The following MAP3K19 variants were observed in gnomAD, a reference collection of about 807,000 sequenced individuals.
MAP3K19 encodes the protein SPS1/STE20-related protein kinase YSK4.
A neutral mutation model predicts 114.4 loss-of-function variants in MAP3K19; 91 were observed. That is an observed-to-expected ratio of 0.80 (90% CI 0.67 to 0.95). The LOEUF (loss-of-function observed/expected upper bound fraction) is 0.95, where lower values mean the gene tolerates loss of function less well. Ranked by LOEUF, MAP3K19 falls within the 40% of genes least tolerant of loss-of-function variation. The pLI, the probability that MAP3K19 is intolerant of heterozygous loss-of-function variation, is 0.00. For synonymous variants in MAP3K19, 518 were observed against 530.5 expected (o/e 0.98, Z 0.32); for missense variants, 1,471 against 1,573.2 (o/e 0.94, Z 1.10).
chr2:135,024,731 GT>G lies in MAP3K19; in HGVS notation c.-85del. On this transcript the variant is annotated 5_prime_UTR_variant, in exon 4 of 13. Transcript: ENST00000392915. ...GCTGATTTTCCACTAAAATCACAAA[GT>G]TTAGGATCTCTAGGAAGAACAGAAT... 8.4e-7 allele frequency: 1 copy of G among 1,194,488 alleles called. No homozygotes were observed. Among genetic ancestry groups the G allele is most frequent in the Non-Finnish European group, 1.2e-6 (1 of 808,468 alleles). The allele number at this position is 1,194,488 out of a possible 1,614,324, so 74.0% of individuals were successfully genotyped here. A position where few individuals can be genotyped will look rare whatever the true frequency, so the allele number is the denominator to read the frequency against.
At chr2:135,021,665 G>C (rs1452645367) in intron 5 of MAP3K19, 50 bp downstream of exon 5, 1 of 975,614 alleles carries the variant, frequency 1.0e-6, no homozygotes, top group Non-Finnish European at 1.6e-6. Flanking sequence ...CACAAATAAA[G>C]TAGTAGATGG....
At chr2:135,007,118 T>C (rs1686879069) in intron 5 of MAP3K19, among the ~76,000 whole-genome samples, 1 of 151,712 alleles carries the variant, frequency 6.6e-6, no homozygotes, top group African/African-American at 2.4e-5. Context: ...TGAGCCATGA[T>C]TGCACCACTG....
intron 12 of MAP3K19, among the ~76,000 whole-genome samples, chr2:134,978,279 G>A (rs114165843): frequency 2.6e-5 from 4 of 151,464 alleles, no homozygotes; most frequent in South Asian, 2.1e-4. Flanking sequence ...ATCAACTTCC[G>A]GGGTCAAGCG....
intron 12 of MAP3K19, among the ~76,000 whole-genome samples, chr2:134,971,205 G>A (rs2105150502): frequency 6.6e-6 from 1 of 152,290 alleles, no homozygotes; most frequent in South Asian, 2.1e-4. Flanking sequence ...TTCTGTTAAT[G>A]TGATGTATCA....
intron 5 of MAP3K19, among the ~76,000 whole-genome samples, chr2:135,009,256 C>T (rs1029640947): frequency 9.2e-5 from 14 of 151,940 alleles, no homozygotes; most frequent in Non-Finnish European, 1.9e-4. Flanking sequence ...CCTGCCACCA[C>T]GTCTGGCCGA....
chr2:135,043,963 G>C (rs1688692881), intron 1 of MAP3K19, among the ~76,000 whole-genome samples: 1 of 152,158 alleles, frequency 6.6e-6, no homozygotes, highest in Admixed American at 6.5e-5. Flanking sequence ...ATTTAAACTT[G>C]CTAGAATAGA....
chr2:134,996,787 C>T (rs140846966), intron 8 of MAP3K19, among the ~76,000 whole-genome samples: 6 of 152,292 alleles, frequency 3.9e-5, no homozygotes, highest in African/African-American at 1.4e-4. Flanking sequence ...GTAATTCCAG[C>T]ACTTTGGGAG....
At chr2:134,979,641 GTTTTTTT>G (rs774229914) in intron 12 of MAP3K19, among the ~76,000 whole-genome samples, 1 of 117,756 alleles carries the variant, frequency 8.5e-6, no homozygotes, top group African/African-American at 3.3e-5. Flanking sequence ...CATTTATGCG[GTTTTTTT>G]TTTTTTTTTT....
Position 134,999,052 on chromosome 2 carries a change from C to A in MAP3K19, c.315-55G>T. 1 of 1,565,732 alleles carries A rather than the reference C, an allele frequency of 6.4e-7. No homozygotes were observed. Among genetic ancestry groups the A allele is most frequent in the South Asian group, 1.2e-5 (1 of 83,656 alleles). ...AACTCAGTTGCCACATCTTCTGGAT[C>A]TCCAGTCCTCAGTTCAGCCTGACAT... is the stretch of plus-strand genomic sequence containing the variant. On this transcript the variant is annotated intron_variant, in intron 7 of 12. Coordinates refer to ENST00000392915, the MANE Select transcript of MAP3K19 (RefSeq NM_025052.5). This position sits in a 1 kb window ranked among gnomAD's most constrained non-coding sequence, Gnocchi z 4.1.
intron 1 of MAP3K19, among the ~76,000 whole-genome samples, chr2:135,041,207 G>C (rs1290732597): frequency 1.3e-5 from 2 of 152,048 alleles, no homozygotes; most frequent in Non-Finnish European, 2.9e-5. Flanking sequence ...TCATTAAGGA[G>C]CACAGTGCCC....
intron 11 of MAP3K19, chr2:134,983,470 C>T (rs1472423915): frequency 1.7e-6 from 1 of 591,530 alleles, no homozygotes; most frequent in East Asian, 3.0e-5. Context: ...CAGAGCCAGA[C>T]CTATTCCAGA....
At chr2:135,030,188 G>A (rs951755152) in intron 3 of MAP3K19, 124 bp downstream of exon 3, 1 of 152,088 alleles carries the variant, frequency 6.6e-6, no homozygotes, top group African/African-American at 2.4e-5. Context: ...TATATGTTTT[G>A]TCTGAAACTT....
chr2:134,988,304 A>C, intron 9 of MAP3K19, 51 bp from the exon 10 acceptor site: 2 of 1,443,756 alleles, frequency 1.4e-6, no homozygotes, highest in Non-Finnish European at 1.8e-6. Flanking sequence ...TATAAATATC[A>C]CGCTAACTCG....
rs539000484 is a variant in MAP3K19 at position 135,005,600 on chromosome 2, T to C, written c.139-69A>G. The C allele has an allele frequency of 3.3e-6, 4 of 1,215,352 alleles. No individual in the cohort carries two copies. The Admixed American group carries it at 7.3e-5, about 22-fold the overall frequency. The allele number at this position is 1,215,352 out of a possible 1,614,324, so 75.3% of individuals were successfully genotyped here. On this transcript the variant is annotated intron_variant, in intron 5 of 12. Coordinates refer to ENST00000392915, the MANE Select transcript of MAP3K19 (RefSeq NM_025052.5). ...TGTACCAGTTTGTTGGCAGAGTGAA[T>C]GTTGATTTTTCTGGGCTAAAGATTT...
chr2:135,020,455 G>A (rs962177607), intron 5 of MAP3K19, among the ~76,000 whole-genome samples: 1 of 152,146 alleles, frequency 6.6e-6, no homozygotes, highest in African/African-American at 2.4e-5. Context: ...AAGTAGCTGC[G>A]ACTACAGGCG....
chr2:134,964,787 A>C lies in MAP3K19; in HGVS notation c.*63T>G, dbSNP rs925200966. 1 of 1,308,510 alleles carries C rather than the reference A, an allele frequency of 7.6e-7. No homozygotes were observed. The highest frequency in any genetic ancestry group is 1.8e-5 in the Admixed American group (1 of 57,040). 81.1% of individuals were successfully genotyped at this position (1,308,510 alleles called of 1,614,324 possible). ...GGGAAACAAAGATCCCTTAGCCATC[A>C]TTCCCCACAATTAAGCAAGGGAGCA... On this transcript the variant is annotated 3_prime_UTR_variant, in exon 13 of 13. Transcript: ENST00000392915.
intron 9 of MAP3K19, 110 bp from the exon 10 acceptor site, chr2:134,988,363 A>G: frequency 1.1e-6 from 1 of 905,422 alleles, no homozygotes; most frequent in South Asian, 2.6e-5. Flanking sequence ...GAAGGCTTTT[A>G]AAGTTCAAAG....
chr2:134,991,234 G>C (rs1238574802), intron 9 of MAP3K19: 1 of 316,676 alleles, frequency 3.2e-6, no homozygotes, highest in Non-Finnish European at 6.1e-6. Flanking sequence ...CCGGGAGGCG[G>C]AGCTTGCAGT....
intron 6 of MAP3K19, among the ~76,000 whole-genome samples, chr2:135,004,121 G>A (rs1205469034): frequency 6.6e-6 from 1 of 152,156 alleles, no homozygotes; most frequent in African/African-American, 2.4e-5. Flanking sequence ...TGCAAATCAA[G>A]TTTAAAAGAA....
Sources: gnomAD v4.1 joint callset for allele counts (sites outside exome capture counted in the v4.1 genomes callset) on GRCh38, gnomAD v4.1.1 for gene constraint, Gnocchi (gnomAD v3.1) non-coding constraint, MANE v1.5 for transcripts, NCBI Gene and HGNC (gene_info 2026-07-23, HGNC 2026-07-21) for gene names.